The following ADAMTS12 variants were observed in gnomAD, a reference collection of about 807,000 sequenced individuals.
ADAMTS12 encodes ADAM metallopeptidase with thrombospondin type 1 motif 12, also known as A disintegrin and metalloproteinase with thrombospondin motifs 12.
In ADAMTS12, 118 loss-of-function variants were observed where a neutral mutation model predicts 167.8. The observed-to-expected ratio is 0.70, with a 90% CI of 0.61 to 0.82. ADAMTS12 has a LOEUF of 0.82. Among genes scored for constraint, ADAMTS12 ranks in the 40% least tolerant of loss-of-function variants. The probability of loss-of-function intolerance (pLI) is 0.00; values close to 1 mark genes in which losing one functional copy is unlikely to be tolerated. For synonymous variants in ADAMTS12, 704 were observed against 716.9 expected, an observed-to-expected ratio of 0.98 and a Z score of 0.29; for missense variants, 1,916 against 1,998.8, an observed-to-expected ratio of 0.96 and a Z score of 0.79.
intron 2 of ADAMTS12, among the ~76,000 whole-genome samples, chr5:33,759,994 T>C (rs908510463): frequency 6.6e-6 from 1 of 152,162 alleles, no homozygotes; most frequent in African/African-American, 2.4e-5. Context: ...TATGGAGAGC[T>C]TGTTAAAAAT....
intron 20 of ADAMTS12, among the ~76,000 whole-genome samples, chr5:33,554,595 G>T (rs935168910): frequency 1.3e-5 from 2 of 152,170 alleles, no homozygotes; most frequent in Admixed American, 1.3e-4. Flanking sequence ...TAGGATAGAA[G>T]CTCTCCTATA....
intron 9 of ADAMTS12, among the ~76,000 whole-genome samples, chr5:33,647,353 T>C (rs1296858727): frequency 6.6e-6 from 1 of 152,142 alleles, no homozygotes; most frequent in African/African-American, 2.4e-5. Context: ...GGCTGCATTT[T>C]AGAAAATGAA....
At chr5:33,691,819 T>C (rs896942224) in intron 3 of ADAMTS12, among the ~76,000 whole-genome samples, 1 of 152,232 alleles carries the variant, frequency 6.6e-6, no homozygotes, top group Non-Finnish European at 1.5e-5. Context: ...GTGTGCTCAA[T>C]AAATACAGTG....
At chr5:33,528,974 G>A (rs1743963503) in intron 23 of ADAMTS12, among the ~76,000 whole-genome samples, 1 of 152,194 alleles carries the variant, frequency 6.6e-6, no homozygotes. Context: ...GAAACCGGAA[G>A]GTGGAGGTTG....
intron 6 of ADAMTS12, among the ~76,000 whole-genome samples, chr5:33,658,871 A>G (rs1238109704): frequency 6.6e-6 from 1 of 152,210 alleles, no homozygotes; most frequent in Non-Finnish European, 1.5e-5. Flanking sequence ...TATATGAGAG[A>G]ATGCATGCCT....
chr5:33,852,345 G>A (rs1436232501), intron 2 of ADAMTS12, among the ~76,000 whole-genome samples: 2 of 152,152 alleles, frequency 1.3e-5, no homozygotes, highest in Non-Finnish European at 2.9e-5. Flanking sequence ...AGTAGTATCT[G>A]ATGACCCACT....
At chr5:33,644,390 G>A (rs766313498) in intron 9 of ADAMTS12, among the ~76,000 whole-genome samples, 7 of 152,176 alleles carry the variant, frequency 4.6e-5, no homozygotes, top group Non-Finnish European at 1.0e-4. Context: ...GGGAAGGGAA[G>A]TAATTTTCTC....
chr5:33,572,635 C>A (rs1481932378), intron 19 of ADAMTS12, among the ~76,000 whole-genome samples: 1 of 133,786 alleles, frequency 7.5e-6, no homozygotes, highest in Non-Finnish European at 1.6e-5. Context: ...AACCCACAGC[C>A]AATATCATAC....
chr5:33,880,953 AT>A (rs1214151218), intron 2 of ADAMTS12, 165 bp downstream of exon 2: 4 of 983,904 alleles, frequency 4.1e-6, no homozygotes, highest in Non-Finnish European at 5.8e-6. Flanking sequence ...GATCTCTTTT[AT>A]TTATTAAATA....
chr5:33,869,603 T>TA (rs544024881), intron 2 of ADAMTS12, among the ~76,000 whole-genome samples: 145 of 152,250 alleles, frequency 9.5e-4, no homozygotes, highest in African/African-American at 3.4e-3. Context: ...AGTAAGTTTT[T>TA]ATTAGCGATT....
chr5:33,641,050 A>G (rs1020857570), intron 11 of ADAMTS12, among the ~76,000 whole-genome samples: 1 of 151,940 alleles, frequency 6.6e-6, no homozygotes, highest in East Asian at 1.9e-4. Flanking sequence ...GAAACAATAT[A>G]ATTTCCACTT....
At chr5:33,610,071 C>T (rs1043431591) in intron 16 of ADAMTS12, among the ~76,000 whole-genome samples, 6 of 152,040 alleles carry the variant, frequency 3.9e-5, no homozygotes, top group African/African-American at 1.4e-4. Flanking sequence ...CCCAGCTACT[C>T]GGGAGGCTGA....
intron 22 of ADAMTS12, among the ~76,000 whole-genome samples, chr5:33,539,406 A>T (rs1470533596): frequency 6.6e-6 from 1 of 152,172 alleles, no homozygotes; most frequent in African/African-American, 2.4e-5. Context: ...GAGGCCTGAA[A>T]CTCAATAAGT....
At chr5:33,890,650 C>G (rs191815424) in intron 1 of ADAMTS12, among the ~76,000 whole-genome samples, 24 of 152,314 alleles carry the variant, frequency 1.6e-4, no homozygotes, top group African/African-American at 5.3e-4. Context: ...AGTCAGCAAA[C>G]ACAGGACTTA....
At chr5:33,797,070 T>TAAAGGCATC (rs1235737533) in intron 2 of ADAMTS12, among the ~76,000 whole-genome samples, 1 of 152,158 alleles carries the variant, frequency 6.6e-6, no homozygotes, top group Non-Finnish European at 1.5e-5. Flanking sequence ...CCTTCTTCTA[T>TAAAGGCATC]AAAGGCATCT....
rs562072991 is a variant in ADAMTS12, at chr5:33,838,996, G to C, written c.489+42123C>G. Among the ~76,000 whole-genome samples the C allele has an allele frequency of 3.9e-5, 6 of 152,270 alleles. 1 individual carries two copies. Among genetic ancestry groups the C allele is most frequent in the African/African-American group, 1.4e-4 (6 of 41,570 alleles). ...CCCAATTCTGGCATTAACCTGAGTT[G>C]CTATGTCAACTGTGTGTCCAACTTC... On this transcript the variant is annotated intron_variant, in intron 2 of 23. Transcript: ENST00000504830.
At chr5:33,667,102 C>A (rs1741500512) in intron 5 of ADAMTS12, among the ~76,000 whole-genome samples, 1 of 152,054 alleles carries the variant, frequency 6.6e-6, no homozygotes, top group African/African-American at 2.4e-5. Context: ...GGTAAAGCCA[C>A]AAATAGCACA....
At chr5:33,795,542 G>A (rs1032480314) in intron 2 of ADAMTS12, among the ~76,000 whole-genome samples, 8 of 152,154 alleles carry the variant, frequency 5.3e-5, no homozygotes, top group Admixed American at 6.5e-5. Context: ...CATTTCATAC[G>A]AACAACCTTA....
chr5:33,588,174 G>A (rs751184652), intron 18 of ADAMTS12, among the ~76,000 whole-genome samples: 2 of 152,174 alleles, frequency 1.3e-5, no homozygotes, highest in African/African-American at 4.8e-5. Context: ...AATTTGAGGG[G>A]ATTTTTCTCA....
Sources: gnomAD v4.1 joint callset for allele counts (sites outside exome capture counted in the v4.1 genomes callset) on GRCh38, gnomAD v4.1.1 for gene constraint, MANE v1.5 for transcripts, NCBI Gene and HGNC (gene_info 2026-07-23, HGNC 2026-07-21) for gene names.